Variants in INSYN2A observed in about 807,000 individuals in gnomAD.
INSYN2A encodes family with sequence similarity 196 member A.
A neutral mutation model predicts 39.4 loss-of-function variants in INSYN2A; 17 were observed. The observed-to-expected ratio is 0.43, with a 90% CI of 0.30 to 0.65. INSYN2A has a LOEUF of 0.65. Ranked by LOEUF, INSYN2A falls within the 30% of genes least tolerant of loss-of-function variation. INSYN2A has a pLI of 0.14. For missense variants in INSYN2A, 595 were observed against 631.2 expected, an observed-to-expected ratio of 0.94 and a Z score of 0.61; for synonymous variants, 255 against 265.7, an observed-to-expected ratio of 0.96 and a Z score of 0.39.
chr10:127,171,920 G>A (rs568889055), intron 4 of INSYN2A, among the ~76,000 whole-genome samples: 8 of 152,234 alleles, frequency 5.3e-5, no homozygotes, highest in Admixed American at 1.3e-4. Context: ...GGCCAGACTG[G>A]TCTCAAACTC....
In INSYN2A at chr10:127,193,653, T is replaced by C. The variant is rs182417805; in HGVS notation, c.-394-923A>G. Among the ~76,000 whole-genome samples the C allele has an allele frequency of 5.9e-5, 9 of 152,086 alleles. No homozygotes were observed. The East Asian group carries it at 1.7e-3, about 29-fold the overall frequency. On this transcript the variant is annotated intron_variant, in intron 1 of 5. Coordinates refer to ENST00000522781, the MANE Select transcript of INSYN2A (RefSeq NM_001039762.3). ...ATCCGTTGTTATTTCTGAGAATCAT[T>C]TTGATTTTTGGACTGCTTATTTCAG...
intron 2 of INSYN2A, among the ~76,000 whole-genome samples, chr10:127,179,387 A>G (rs1371444906): frequency 6.6e-6 from 1 of 152,222 alleles, no homozygotes; most frequent in Admixed American, 6.5e-5. Flanking sequence ...AATGATGGTA[A>G]TACTTAGGAT....
Position 127,175,333 on chromosome 10 carries a change from C to G in INSYN2A, c.1063G>C (p.Val355Leu), listed in dbSNP as rs1417993265. Residue 355 changes from valine (V) to leucine (L), a missense_variant, in exon 4 of 6, where the codon GTG becomes CTG. Val to Leu is a conservative substitution (Grantham distance 32, BLOSUM62 1). Transcript: ENST00000522781. The surrounding 1 kb of genome is among the most constrained non-coding windows in gnomAD (Gnocchi z 6.3). ...ECQRIVPHTEVVDLKAQLQMM... is the reference protein window; with the variant it reads ...ECQRIVPHTELVDLKAQLQMM... ...TGAAGTTGTGCTTTGAGGTCGACCA[C>G]TTCCGTATGAGGCACGATTCGTTGG... The G allele has an allele frequency of 1.2e-6, 2 of 1,614,190 alleles. No homozygotes were observed. The highest frequency in any genetic ancestry group is 2.2e-5 in the East Asian group (1 of 44,872).
At chr10:127,145,159 G>C (rs1307482725) in intron 5 of INSYN2A, among the ~76,000 whole-genome samples, 1 of 152,114 alleles carries the variant, frequency 6.6e-6, no homozygotes, top group Non-Finnish European at 1.5e-5. Flanking sequence ...TGGGTCCTGA[G>C]CCTCATCTAG....
At chr10:127,194,509 C>T (rs528530042) in intron 1 of INSYN2A, among the ~76,000 whole-genome samples, 2 of 152,338 alleles carry the variant, frequency 1.3e-5, no homozygotes, top group African/African-American at 4.8e-5. Context: ...AAAACCAGCA[C>T]TTTCCGCCTC....
At chr10:127,169,828 T>C (rs986141880) in intron 4 of INSYN2A, among the ~76,000 whole-genome samples, 3 of 152,218 alleles carry the variant, frequency 2.0e-5, no homozygotes, top group African/African-American at 7.2e-5. Context: ...CTTCCATTAC[T>C]TGTTGGCTAT....
intron 2 of INSYN2A, among the ~76,000 whole-genome samples, chr10:127,178,870 G>A (rs897132308): frequency 1.3e-5 from 2 of 152,186 alleles, no homozygotes; most frequent in Non-Finnish European, 2.9e-5. Flanking sequence ...AGGTTAAACA[G>A]ATGCACACAA....
At chr10:127,173,538 C>T (rs1292255782) in intron 4 of INSYN2A, among the ~76,000 whole-genome samples, 1 of 152,190 alleles carries the variant, frequency 6.6e-6, no homozygotes, top group African/African-American at 2.4e-5. Flanking sequence ...GCACACACTC[C>T]TGTGAGTATG....
At chr10:127,171,037 G>A (rs1419956421) in intron 4 of INSYN2A, among the ~76,000 whole-genome samples, 2 of 152,132 alleles carry the variant, frequency 1.3e-5, no homozygotes, top group Non-Finnish European at 2.9e-5. Flanking sequence ...TTTATTCAGC[G>A]CCAACTGTGT....
intron 1 of INSYN2A, among the ~76,000 whole-genome samples, chr10:127,194,496 G>C (rs1349524407): frequency 6.6e-6 from 1 of 152,220 alleles, no homozygotes; most frequent in African/African-American, 2.4e-5. Context: ...TGGGGGAATA[G>C]TAAAAACCAG....
rs1404213099 is a variant in INSYN2A, at chr10:127,196,458, G to T, written c.-856C>A. 6.7e-6 allele frequency among the ~76,000 whole-genome samples: 1 copy of T among 148,548 alleles called. No individual in the cohort carries two copies. The highest frequency in any genetic ancestry group is 1.5e-5 in the Non-Finnish European group (1 of 66,730). On this transcript the variant is annotated 5_prime_UTR_variant, in exon 1 of 6. Coordinates refer to ENST00000522781, the MANE Select transcript of INSYN2A (RefSeq NM_001039762.3). Reference sequence around the variant, plus strand: ...GGAGGCGGGGGCGGGGCAGAGGAGGGAGCAGGAGGGAAGTCCTTTCCGCTG... The same window carrying T: ...GGAGGCGGGGGCGGGGCAGAGGAGGTAGCAGGAGGGAAGTCCTTTCCGCTG...
intron 5 of INSYN2A, among the ~76,000 whole-genome samples, chr10:127,146,291 A>G (rs1007257351): frequency 1.3e-5 from 2 of 152,220 alleles, no homozygotes; most frequent in African/African-American, 2.4e-5. Context: ...ATATGTTGAG[A>G]TGGGTAATCA....
At chr10:127,195,403 C>T (rs1033054094) in intron 1 of INSYN2A, among the ~76,000 whole-genome samples, 3 of 152,148 alleles carry the variant, frequency 2.0e-5, no homozygotes, top group Non-Finnish European at 4.4e-5. Flanking sequence ...AACCCGCAGC[C>T]CCGGGAAGGT....
rs1253457147 is a variant in INSYN2A, at chr10:127,175,994, A to G, written c.402T>C (p.Asp134=). Reference sequence around the variant, plus strand: ...ACCCATTGTTTTGGCTTTTAAAGGGATCTGCAGCTGGGAGGCTTTTGAGGT... The same window carrying G: ...ACCCATTGTTTTGGCTTTTAAAGGGGTCTGCAGCTGGGAGGCTTTTGAGGT... ...KGNLKSLPAA[D]PFKSQNNGFL... The change falls in exon 4 of 6, where the codon GAT becomes GAC. Residue 134 remains aspartate (D), a synonymous_variant. Coordinates refer to ENST00000522781, the MANE Select transcript of INSYN2A (RefSeq NM_001039762.3). This position sits in a 1 kb window ranked among gnomAD's most constrained non-coding sequence, Gnocchi z 6.3. 1 of 1,614,076 alleles carries G rather than the reference A, an allele frequency of 6.2e-7. No homozygotes were observed. The highest frequency in any genetic ancestry group is 8.5e-7 in the Non-Finnish European group (1 of 1,180,030).
chr10:127,141,923 C>T (rs1244657780), intron 5 of INSYN2A, among the ~76,000 whole-genome samples: 1 of 152,214 alleles, frequency 6.6e-6, no homozygotes, highest in Non-Finnish European at 1.5e-5. Flanking sequence ...AGACATACTC[C>T]AGGATCTTTT....
chr10:127,172,499 A>G (rs1292008299), intron 4 of INSYN2A, among the ~76,000 whole-genome samples: 1 of 152,130 alleles, frequency 6.6e-6, no homozygotes, highest in African/African-American at 2.4e-5. Flanking sequence ...GTCCTCTCCT[A>G]TGTTCTGACA....
At chr10:127,184,987 C>T (rs1385213537) in intron 2 of INSYN2A, among the ~76,000 whole-genome samples, 8 of 152,142 alleles carry the variant, frequency 5.3e-5, no homozygotes, top group Admixed American at 6.5e-5. Flanking sequence ...GAGAGAGACA[C>T]GTTGATGCCT....
In INSYN2A at chr10:127,153,881, T is replaced by C; in HGVS notation, c.1227A>G (p.Thr409=). Residue 409 remains threonine, a synonymous_variant, in exon 5 of 6, where the codon ACA becomes ACG. Coordinates refer to ENST00000522781, the MANE Select transcript of INSYN2A (RefSeq NM_001039762.3). Reference sequence around the variant, plus strand: ...AGATAATACATGCACTGTTCCTGCATGTGTCACAATTAGCTGTGTCTTGCC... The same window carrying C: ...AGATAATACATGCACTGTTCCTGCACGTGTCACAATTAGCTGTGTCTTGCC... The part of the protein sequence containing the change: ...RTGQDTANCD[T]CRNSACIIYS... 1 of 1,613,942 alleles carries C rather than the reference T, an allele frequency of 6.2e-7. No homozygotes were observed. Among genetic ancestry groups the C allele is most frequent in the Non-Finnish European group, 8.5e-7 (1 of 1,179,786 alleles).
chr10:127,145,960 C>T (rs766627900), intron 5 of INSYN2A: 2 of 513,412 alleles, frequency 3.9e-6, no homozygotes, highest in South Asian at 2.9e-5. Flanking sequence ...AGACGCCTAT[C>T]TGTGAGGAAG....
Sources: allele counts gnomAD v4.1 joint callset (sites outside exome capture counted in the v4.1 genomes callset), GRCh38; gene constraint gnomAD v4.1.1; non-coding constraint Gnocchi (gnomAD v3.1); transcripts MANE v1.5; gene names NCBI Gene and HGNC (gene_info 2026-07-23, HGNC 2026-07-21).